The following ATF7IP variants were observed in gnomAD, a reference collection of about 807,000 sequenced individuals.
The protein encoded by ATF7IP is activating transcription factor 7-interacting protein 1.
In ATF7IP, 23 loss-of-function variants were observed where a neutral mutation model predicts 106.4. The observed-to-expected ratio is 0.22, with a 90% CI of 0.16 to 0.31. ATF7IP has a LOEUF of 0.31. ATF7IP is among the 10% of genes least tolerant of loss of function. The probability of loss-of-function intolerance (pLI) is 1.00; values close to 1 mark genes in which losing one functional copy is unlikely to be tolerated. For missense variants in ATF7IP, 1,334 were observed against 1,524.3 expected, an observed-to-expected ratio of 0.88 and a Z score of 2.08; for synonymous variants, 542 against 539.0, an observed-to-expected ratio of 1.01 and a Z score of -0.08.
At chr12:14,497,567 C>A in intron 14 of ATF7IP, 87 bp from the exon 15 acceptor site, 1 of 1,286,748 alleles carries the variant, frequency 7.8e-7, no homozygotes, top group Non-Finnish European at 1.1e-6. Flanking sequence ...GATACTTCTA[C>A]GTATGTTCTC....
Position 14,367,646 on chromosome 12 carries a change from T to C in ATF7IP, c.-8+1819T>C, listed in dbSNP as rs368421186. Among the ~76,000 whole-genome samples the C allele has an allele frequency of 2.3e-4, 35 of 152,264 alleles. 2 individuals are homozygous for C. The East Asian group carries it at 6.7e-3, about 29-fold the overall frequency. ...TGAAATAGTTTGGTGTATATAAGCG[T>C]ATGTTTTCATTTGAATATACAGATG... On this transcript the variant is annotated intron_variant, in intron 1 of 14. Transcript: ENST00000261168.
chr12:14,445,514 T>C (rs936468994), intron 5 of ATF7IP, among the ~76,000 whole-genome samples: 2 of 152,142 alleles, frequency 1.3e-5, no homozygotes, highest in Non-Finnish European at 2.9e-5. Flanking sequence ...TTTAGAAAGT[T>C]ATTTGAGATA....
intron 2 of ATF7IP, 104 bp from the exon 3 acceptor site, chr12:14,434,233 A>G: frequency 2.9e-6 from 2 of 698,166 alleles, no homozygotes; most frequent in South Asian, 3.9e-5. Flanking sequence ...CTCTGATTTC[A>G]TAAAAGGTTG....
At chr12:14,488,731 A>G (rs189052390) in intron 13 of ATF7IP, among the ~76,000 whole-genome samples, 7 of 152,338 alleles carry the variant, frequency 4.6e-5, no homozygotes, top group Admixed American at 2.6e-4. Context: ...TAATAAGGCC[A>G]TACTTATGCC....
At chr12:14,428,001 A>G (rs1941943964) in intron 2 of ATF7IP, among the ~76,000 whole-genome samples, 1 of 152,204 alleles carries the variant, frequency 6.6e-6, no homozygotes, top group South Asian at 2.1e-4. Flanking sequence ...AAGAACTTCA[A>G]GCAGAGAGGA....
At chr12:14,370,139 A>G (rs1188196049) in intron 1 of ATF7IP, among the ~76,000 whole-genome samples, 4 of 151,970 alleles carry the variant, frequency 2.6e-5, no homozygotes, top group African/African-American at 9.7e-5. Flanking sequence ...GTTTCTCCAT[A>G]TTGGTCAGGC....
At chr12:14,405,477 C>A (rs191294529) in intron 1 of ATF7IP, among the ~76,000 whole-genome samples, 2 of 132,904 alleles carry the variant, frequency 1.5e-5, no homozygotes, top group East Asian at 2.5e-4. Context: ...TGCAGTGGCA[C>A]AATCATGGCT....
chr12:14,397,882 A>G (rs956825502), intron 1 of ATF7IP, among the ~76,000 whole-genome samples: 1 of 152,020 alleles, frequency 6.6e-6, no homozygotes, highest in African/African-American at 2.4e-5. Context: ...CTCCTTGGCT[A>G]TTTGTTCTAC....
At chr12:14,434,300 G>T in intron 2 of ATF7IP, 37 bp from the exon 3 acceptor site, 1 of 1,226,914 alleles carries the variant, frequency 8.2e-7, no homozygotes, top group Non-Finnish European at 1.2e-6. Flanking sequence ...ATGAATTCTA[G>T]TAGAAGTAAG....
chr12:14,485,306 C>G (rs1944563875), intron 13 of ATF7IP, among the ~76,000 whole-genome samples: 1 of 151,854 alleles, frequency 6.6e-6, no homozygotes, highest in South Asian at 2.1e-4. Context: ...AATCGGCCCA[C>G]TAGATGTTGT....
rs139730920 is a variant in ATF7IP, at chr12:14,460,873, A to G, written c.2537A>G (p.Asn846Ser). ...PSLPNPTKPN[N>S]VPSVPSPSIQ... The stretch of plus-strand genomic sequence containing the variant: ...TTGCCAAATCCCACTAAACCAAACA[A>G]CGTTCCTTCTGTGCCCAGTCCTAGT... Residue 846 changes from asparagine (N) to serine (S), a missense_variant, in exon 9 of 15, where the codon AAC (asparagine) becomes AGC (serine). Around this residue, in one of 10 missense-constraint regions of ATF7IP, gnomAD observed 370 missense variants for 401.2 expected, o/e 0.92. Transcript: ENST00000261168. 7 of 1,613,886 alleles carry G rather than the reference A, an allele frequency of 4.3e-6. No individual in the cohort carries two copies. In the African/African-American group the frequency reaches 8.0e-5, roughly 18 times the overall value.
intron 13 of ATF7IP, among the ~76,000 whole-genome samples, chr12:14,491,105 T>G (rs1944805920): frequency 1.3e-5 from 2 of 152,008 alleles, no homozygotes; most frequent in African/African-American, 4.8e-5. Context: ...CCCTCACACC[T>G]CAAGCACCAT....
At chr12:14,388,381 C>CT (rs1939363681) in intron 1 of ATF7IP, among the ~76,000 whole-genome samples, 1 of 150,244 alleles carries the variant, frequency 6.7e-6, no homozygotes, top group Admixed American at 6.6e-5. Context: ...GAGTCTCACT[C>CT]TGTCGCTGAG....
Position 14,436,353 on chromosome 12 carries a change from T to C in ATF7IP, c.1791+102T>C, listed in dbSNP as rs1942401106. The C allele has an allele frequency of 2.1e-5, 25 of 1,216,338 alleles. 1 individual carries two copies. The South Asian group carries it at 3.2e-4, about 16-fold the overall frequency. 75.3% of individuals were successfully genotyped at this position (1,216,338 alleles called of 1,614,324 possible). ...TCTGTATTTTATTGACATAATGTGGTTTATCATAGAAAGAAAGAACTTGAA... is the reference window on the plus strand; with the variant it reads ...TCTGTATTTTATTGACATAATGTGGCTTATCATAGAAAGAAAGAACTTGAA... On this transcript the variant is annotated intron_variant, in intron 4 of 14. Coordinates refer to ENST00000261168, the MANE Select transcript of ATF7IP (RefSeq NM_018179.5).
intron 10 of ATF7IP, among the ~76,000 whole-genome samples, chr12:14,467,359 A>T (rs1325275294): frequency 6.6e-6 from 1 of 152,278 alleles, no homozygotes; most frequent in East Asian, 1.9e-4. Flanking sequence ...TATTTTCTTT[A>T]AAAACGATGG....
chr12:14,459,548 A>G (rs934621790), intron 8 of ATF7IP, among the ~76,000 whole-genome samples: 1 of 152,210 alleles, frequency 6.6e-6, no homozygotes, highest in African/African-American at 2.4e-5. Context: ...TTTACTTAGC[A>G]TTGCTTTTGC....
chr12:14,382,090 C>G (rs2136413122), intron 1 of ATF7IP, among the ~76,000 whole-genome samples: 1 of 152,272 alleles, frequency 6.6e-6, no homozygotes, highest in East Asian at 1.9e-4. Context: ...GTCCCAGTTA[C>G]TCCAGAGGCT....
At chr12:14,449,945 G>A (rs1049678153) in intron 6 of ATF7IP, among the ~76,000 whole-genome samples, 4 of 151,350 alleles carry the variant, frequency 2.6e-5, no homozygotes, top group Admixed American at 6.6e-5. Context: ...TATTCTTTTC[G>A]ATGCTATTAT....
chr12:14,485,691 G>A (rs915214570), intron 13 of ATF7IP, among the ~76,000 whole-genome samples: 1 of 152,184 alleles, frequency 6.6e-6, no homozygotes, highest in Non-Finnish European at 1.5e-5. Context: ...CTTCTGGTGG[G>A]CCTTATGGAC....
Sources: gnomAD v4.1 joint callset for allele counts (sites outside exome capture counted in the v4.1 genomes callset) on GRCh38, gnomAD v4.1.1 for gene constraint, gnomAD v4.1.1 regional missense constraint, MANE v1.5 for transcripts, NCBI Gene and HGNC (gene_info 2026-07-23, HGNC 2026-07-21) for gene names.